PTPRQ: variants seen among roughly 807,000 people sequenced by gnomAD.
PTPRQ encodes the protein protein tyrosine phosphatase receptor type Q, also known as phosphatidylinositol phosphatase PTPRQ.
PTPRQ carries 199 observed loss-of-function variants against 246.0 expected under a neutral mutation model. That is an observed-to-expected ratio of 0.81 (90% CI 0.72 to 0.91). The LOEUF (loss-of-function observed/expected upper bound fraction) is 0.91, where lower values mean the gene tolerates loss of function less well. Among genes scored for constraint, PTPRQ ranks in the 40% least tolerant of loss-of-function variants. The pLI, the probability that PTPRQ is intolerant of heterozygous loss-of-function variation, is 0.00. For synonymous variants in PTPRQ, 869 were observed against 853.2 expected (o/e 1.02, Z -0.32); for missense variants, 2,624 against 2,528.4 (o/e 1.04, Z -0.81).
chr12:80,473,043 A>G (rs1400080920), intron 8 of PTPRQ, among the ~76,000 whole-genome samples: 17 of 65,394 alleles, frequency 2.6e-4, no homozygotes, highest in Admixed American at 4.4e-4. Context: ...ACACTCACAC[A>G]CACGCACACA....
intron 8 of PTPRQ, among the ~76,000 whole-genome samples, chr12:80,483,632 C>T (rs146664218): frequency 0.066 from 10,082 of 152,012 alleles, 865 homozygotes; most frequent in African/African-American, 0.19. Flanking sequence ...ATGTGCAGAA[C>T]GTATAGGTTT....
intron 25 of PTPRQ, among the ~76,000 whole-genome samples, chr12:80,571,402 T>A (rs569132422): frequency 6.6e-6 from 1 of 152,232 alleles, no homozygotes; most frequent in Non-Finnish European, 1.5e-5. Context: ...ACTCCCAAAG[T>A]ACCTGGATTA....
intron 25 of PTPRQ, among the ~76,000 whole-genome samples, chr12:80,553,738 ATG>A (rs911828720): frequency 1.7e-4 from 26 of 152,276 alleles, no homozygotes; most frequent in African/African-American, 6.3e-4. Context: ...GGCAGTAAAG[ATG>A]AAGGCCCCCA....
At chr12:80,562,559 A>G (rs1168486289) in intron 25 of PTPRQ, among the ~76,000 whole-genome samples, 1 of 152,204 alleles carries the variant, frequency 6.6e-6, no homozygotes, top group Non-Finnish European at 1.5e-5. Flanking sequence ...TTTAAAATAC[A>G]TCAAACTGAA....
intron 26 of PTPRQ, among the ~76,000 whole-genome samples, chr12:80,603,695 T>C (rs1048769666): frequency 1.3e-5 from 2 of 151,552 alleles, no homozygotes; most frequent in African/African-American, 4.8e-5. Flanking sequence ...GTTTATGTCT[T>C]TGTGGCTTTT....
chr12:80,676,585 T>G (rs1026143574), intron 43 of PTPRQ, among the ~76,000 whole-genome samples: 2 of 152,158 alleles, frequency 1.3e-5, no homozygotes, highest in African/African-American at 2.4e-5. Flanking sequence ...GAGGTTGCAG[T>G]GAGCCAAGAC....
At chr12:80,611,902 C>T (rs1898566753) in intron 28 of PTPRQ, among the ~76,000 whole-genome samples, 1 of 150,338 alleles carries the variant, frequency 6.7e-6, no homozygotes, top group Admixed American at 6.7e-5. Context: ...TTTAGCTTTG[C>T]ATTTTTCCAT....
rs1485892031 is a variant in PTPRQ, at chr12:80,494,222, A to G, written c.1541-711A>G. Among the ~76,000 whole-genome samples the G allele has an allele frequency of 2.0e-5, 3 of 152,068 alleles. No individual in the cohort carries two copies. The East Asian group carries it at 5.8e-4, about 29-fold the overall frequency. On this transcript the variant is annotated intron_variant, in intron 10 of 44. Coordinates refer to ENST00000644991, the MANE Select transcript of PTPRQ (RefSeq NM_001145026.2). ...GACTGGAGGGCAACACTGAAAATTAAGAGTCCCATGATTTCTGATGCAGAC... is the reference window on the plus strand; with the variant it reads ...GACTGGAGGGCAACACTGAAAATTAGGAGTCCCATGATTTCTGATGCAGAC...
At chr12:80,644,672 A>T (rs368816928) in intron 35 of PTPRQ, among the ~76,000 whole-genome samples, 1 of 152,110 alleles carries the variant, frequency 6.6e-6, no homozygotes, top group Admixed American at 6.5e-5. Context: ...CTCAGTGATA[A>T]GTTAGTGCAT....
chr12:80,565,152 T>C (rs1896940597), intron 25 of PTPRQ, among the ~76,000 whole-genome samples: 1 of 152,186 alleles, frequency 6.6e-6, no homozygotes, highest in South Asian at 2.1e-4. Flanking sequence ...GTTCCAAAAG[T>C]GTAATGTTTG....
At chr12:80,658,397 A>C (rs1051712665) in intron 39 of PTPRQ, among the ~76,000 whole-genome samples, 4 of 152,078 alleles carry the variant, frequency 2.6e-5, no homozygotes, top group Admixed American at 2.0e-4. Flanking sequence ...AAAATTATCA[A>C]ATGGACAGTT....
Position 80,619,254 on chromosome 12 carries a change from T to G in PTPRQ, c.5231-130T>G, listed in dbSNP as rs865958535. On this transcript the variant is annotated intron_variant, in intron 30 of 44. Transcript: ENST00000644991. ...AATGTCTGCTGTCTCCAAGCACAAT[T>G]CTCTATAATTTGTTATTTATGTTTG... 7.3e-6 allele frequency: 8 copies of G among 1,090,952 alleles called. 1 individual carries two copies. In the Middle Eastern group the frequency reaches 1.7e-3, roughly 226 times the overall value. The allele number at this position is 1,090,952 out of a possible 1,614,324, so 67.6% of individuals were successfully genotyped here. A position where few individuals can be genotyped will look rare whatever the true frequency, so the allele number is the denominator to read the frequency against.
intron 14 of PTPRQ, among the ~76,000 whole-genome samples, chr12:80,498,022 A>G (rs1044900077): frequency 2.6e-5 from 4 of 152,092 alleles, no homozygotes; most frequent in Non-Finnish European, 4.4e-5. Flanking sequence ...AAAAGAGCCC[A>G]TAGATAATGG....
At chr12:80,605,956 A>C (rs1262520145) in intron 27 of PTPRQ, among the ~76,000 whole-genome samples, 1 of 151,164 alleles carries the variant, frequency 6.6e-6, no homozygotes, top group Non-Finnish European at 1.5e-5. Flanking sequence ...GGAAACTATA[A>C]AAGGGCAAGG....
At chr12:80,599,959 G>A (rs997825876) in intron 26 of PTPRQ, among the ~76,000 whole-genome samples, 1 of 151,690 alleles carries the variant, frequency 6.6e-6, no homozygotes, top group Non-Finnish European at 1.5e-5. Flanking sequence ...AATACATTCT[G>A]AAGGAAATTT....
chr12:80,582,342 A>T (rs958919043), intron 25 of PTPRQ, among the ~76,000 whole-genome samples: 1 of 152,092 alleles, frequency 6.6e-6, no homozygotes, highest in South Asian at 2.1e-4. Context: ...CTCAAAAGTG[A>T]CCTGTCTGTA....
Position 80,632,433 on chromosome 12 carries a change from ATGT to A in PTPRQ, c.5786+143_5786+145del. The stretch of plus-strand genomic sequence containing the variant: ...ATAGACAGATAAAAATGTATTTATC[ATGT>A]ACAATATGATACTTTAAAGTGTATA... On this transcript the variant is annotated intron_variant, in intron 34 of 44. Coordinates refer to ENST00000644991, the MANE Select transcript of PTPRQ (RefSeq NM_001145026.2). 5 of 1,222,420 alleles carry A rather than the reference ATGT, an allele frequency of 4.1e-6. No homozygotes were observed. The South Asian group carries it at 7.5e-5, about 18-fold the overall frequency. The allele number at this position is 1,222,420 out of a possible 1,614,324, so 75.7% of individuals were successfully genotyped here.
intron 23 of PTPRQ, among the ~76,000 whole-genome samples, chr12:80,546,281 C>G (rs1367888404): frequency 1.3e-5 from 2 of 149,646 alleles, no homozygotes; most frequent in African/African-American, 4.9e-5. Flanking sequence ...ACCTGGGCAA[C>G]AAAATGAGAC....
At position 80,543,634 on chromosome 12, in the gene PTPRQ, G is replaced by C. The variant is rs148531493; in HGVS notation, c.3873+753G>C. On this transcript the variant is annotated intron_variant, in intron 23 of 44. Transcript: ENST00000644991. Reference sequence around the variant, plus strand: ...GTAAATATTTTACTCAATATTATGAGTATTACAATTTATGACTATGGTAAA... The same window carrying C: ...GTAAATATTTTACTCAATATTATGACTATTACAATTTATGACTATGGTAAA... 1.6e-3 allele frequency among the ~76,000 whole-genome samples: 244 copies of C among 152,200 alleles called. 1 individual carries two copies. Among genetic ancestry groups the C allele is most frequent in the Non-Finnish European group, 2.8e-3 (193 of 67,966 alleles).
Sources: gnomAD v4.1 joint callset for allele counts (sites outside exome capture counted in the v4.1 genomes callset) on GRCh38, gnomAD v4.1.1 for gene constraint, MANE v1.5 for transcripts, NCBI Gene and HGNC (gene_info 2026-07-23, HGNC 2026-07-21) for gene names.